GAS6: variants seen among roughly 807,000 people sequenced by gnomAD.
GAS6 encodes the protein growth arrest-specific protein 6.
Under a neutral mutation model 75.8 loss-of-function variants are expected in GAS6, and 41 were observed. The observed-to-expected ratio is 0.54, with a 90% CI of 0.42 to 0.70. The LOEUF is 0.70. Among genes scored for constraint, GAS6 ranks in the 30% least tolerant of loss-of-function variants. GAS6 has a pLI of 0.00. For synonymous variants in GAS6, 432 were observed against 412.6 expected, an observed-to-expected ratio of 1.05 and a Z score of -0.57; for missense variants, 854 against 940.2, an observed-to-expected ratio of 0.91 and a Z score of 1.20.
At position 113,832,404 on chromosome 13, in the gene GAS6, G is replaced by C. The variant is rs374445149; in HGVS notation, c.1038C>G (p.Ile346Met). The C allele has an allele frequency of 1.9e-6, 3 of 1,612,252 alleles. No homozygotes were observed. Among genetic ancestry groups the C allele is most frequent in the Admixed American group, 1.7e-5 (1 of 60,004 alleles). Residue 346 changes from isoleucine (I) to methionine (M), a missense_variant, in exon 10 of 15, where the codon ATC becomes ATG. Physicochemically the swap from Ile to Met is conservative, Grantham distance 10. Transcript: ENST00000327773. ...FAGGHQDSTW[I>M]VLALRAGRLE... is the part of the protein sequence containing the mutation. ...GCCGGCCGGCTCTCAGGGCCAGCAC[G>C]ATCCAGGTGCTGTCCTGGTGGCCTC...
At chr13:113,841,274 C>G (rs536209633) in intron 4 of GAS6, 34 of 152,626 alleles carry the variant, frequency 2.2e-4, no homozygotes, top group African/African-American at 8.2e-4. Context: ...GTGGCCGGCA[C>G]AGACACAGCC....
rs202125638 is a variant in GAS6, at chr13:113,832,482, T to G, written c.960A>C (p.Val320=). The change falls in exon 10 of 15, where the codon GTA becomes GTC. Residue 320 remains valine (V), a synonymous_variant. Coordinates refer to ENST00000327773, the MANE Select transcript of GAS6 (RefSeq NM_000820.4). ...RFKRLQPTRL[V]AEFDFRTFDP... is the part of the protein sequence containing the mutation. ...CAAAGGTCCGGAAGTCAAACTCAGC[T>G]ACCAGCCTGGGCACCCACAGGAGAA... The G allele has an allele frequency of 1.3e-5, 21 of 1,598,808 alleles. No individual in the cohort carries two copies. The African/African-American group carries it at 2.7e-4, about 20-fold the overall frequency.
chr13:113,851,382 G>A (rs889328869), intron 2 of GAS6, among the ~76,000 whole-genome samples: 3 of 151,076 alleles, frequency 2.0e-5, no homozygotes, highest in East Asian at 2.0e-4. Flanking sequence ...TGAGTGAGTG[G>A]GTAGATGAGT....
chr13:113,843,061 G>T (rs892914341), intron 4 of GAS6: 2 of 388,342 alleles, frequency 5.2e-6, no homozygotes, highest in African/African-American at 4.3e-5. Flanking sequence ...ACAGTCAGCC[G>T]GTGCCCAGCA....
chr13:113,859,762 CTG>C (rs1160928242), intron 2 of GAS6, among the ~76,000 whole-genome samples: 1 of 152,098 alleles, frequency 6.6e-6, no homozygotes, highest in Non-Finnish European at 1.5e-5. Context: ...GTGCATGTGT[CTG>C]TGTGTGGGAG....
intron 3 of GAS6, chr13:113,847,001 T>C (rs2138655498): frequency 7.9e-6 from 4 of 506,450 alleles, no homozygotes; most frequent in East Asian, 5.6e-5. Context: ...AGCCCCTCCA[T>C]GCTCTCTGGC....
intron 10 of GAS6, 35 bp from the exon 11 acceptor site, chr13:113,828,746 G>A (rs370186377): frequency 1.9e-6 from 3 of 1,603,502 alleles, no homozygotes; most frequent in Admixed American, 1.7e-5. Context: ...AAAGATGGGA[G>A]TGCACGTTCT....
chr13:113,828,017 T>C (rs1336581873), intron 11 of GAS6, among the ~76,000 whole-genome samples: 1 of 152,214 alleles, frequency 6.6e-6, no homozygotes, highest in Non-Finnish European at 1.5e-5. Flanking sequence ...GGCTCACGCC[T>C]GTAATCCCAG....
At chr13:113,834,207 C>CCCGGTGTGACAGGTCGGTGTGACAGGCA (rs1220721667) in intron 8 of GAS6, among the ~76,000 whole-genome samples, 10 of 144,822 alleles carry the variant, frequency 6.9e-5, no homozygotes, top group African/African-American at 1.5e-4. Flanking sequence ...TGTGACAGGC[C>CCCGGTGTGACAGGTCGGTGTGACAGGCA]CCGGTGTGAC....
rs375245164 is a variant in GAS6, at chr13:113,821,064, C to A, written c.1883-46G>T. On this transcript the variant is annotated intron_variant, in intron 14 of 14. Transcript: ENST00000327773. The stretch of plus-strand genomic sequence containing the variant: ...AACATATCTTAGCTCACCACGTGGC[C>A]GGCCCCGCCTGGCCCCCCCACCCCC... 178 of 1,590,678 alleles carry A rather than the reference C, an allele frequency of 1.1e-4. 1 individual carries two copies. Among genetic ancestry groups the A allele is most frequent in the Non-Finnish European group, 1.4e-4 (167 of 1,163,582 alleles).
At chr13:113,833,625 G>GTCATGC in intron 8 of GAS6, 2 of 1,017,140 alleles carry the variant, frequency 2.0e-6, no homozygotes, top group South Asian at 3.4e-5. Context: ...TGACAGGTCG[G>GTCATGC]TGTGACAGGC....
intron 5 of GAS6, 175 bp downstream of exon 5, chr13:113,839,553 C>G: frequency 1.3e-6 from 1 of 742,020 alleles, no homozygotes; most frequent in Non-Finnish European, 2.1e-6. Flanking sequence ...AGAAAGGAGA[C>G]TGCAGCTCCT....
chr13:113,822,045 CCT>C lies in GAS6; in HGVS notation c.1793_1794del (p.Glu598GlyfsTer111). 6.3e-7 allele frequency: 1 copy of C among 1,580,274 alleles called. No individual in the cohort carries two copies. Among genetic ancestry groups the C allele is most frequent in the Non-Finnish European group, 8.6e-7 (1 of 1,165,040 alleles). On this transcript the variant is annotated frameshift_variant, in exon 14 of 15. Transcript: ENST00000327773. ...LEVDGTRGQS[E>X]VSAAQLQERL... ...CTCTCCTGCAGCTGCGCGGCGCTCA[CCT>C]CGCTCTGGCCCCTGGTGCCGTCCAC...
chr13:113,857,900 C>G (rs924946200), intron 2 of GAS6, among the ~76,000 whole-genome samples: 1 of 152,252 alleles, frequency 6.6e-6, no homozygotes, highest in African/African-American at 2.4e-5. Flanking sequence ...CGGGTGAAAA[C>G]AAGCATCTGC....
At chr13:113,828,502 T>A in intron 11 of GAS6, 45 bp downstream of exon 11, 1 of 1,578,644 alleles carries the variant, frequency 6.3e-7, no homozygotes. Flanking sequence ...GTTCCCGGGA[T>A]CCCAGCACAC....
chr13:113,861,837 G>A (rs900479113), intron 2 of GAS6, among the ~76,000 whole-genome samples: 2 of 152,226 alleles, frequency 1.3e-5, no homozygotes, highest in African/African-American at 4.8e-5. Flanking sequence ...CATTTGGCAT[G>A]GGGGCTGGGA....
At chr13:113,828,826 G>A in intron 10 of GAS6, 115 bp from the exon 11 acceptor site, 1 of 1,184,154 alleles carries the variant, frequency 8.4e-7, no homozygotes, top group South Asian at 1.5e-5. Flanking sequence ...ACCTCGGGGA[G>A]GCCACCTGAT....
Position 113,842,916 on chromosome 13 carries a change from G to C in GAS6, c.344-3066C>G. 7.6e-6 allele frequency: 3 copies of C among 396,940 alleles called. No individual in the cohort carries two copies. The Admixed American group carries it at 1.3e-4, about 17-fold the overall frequency. The allele number at this position is 396,940 out of a possible 1,614,324, so 24.6% of individuals were successfully genotyped here. A position where few individuals can be genotyped will look rare whatever the true frequency, so the allele number is the denominator to read the frequency against. On this transcript the variant is annotated intron_variant, in intron 4 of 14. Coordinates refer to ENST00000327773, the MANE Select transcript of GAS6 (RefSeq NM_000820.4). ...TGAGGGACAGTGCCTGCTCCTGCCA[G>C]GTGCCCAGCTCTTAAGCGGTCCCCA...
At chr13:113,847,364 C>T (rs1188719072) in intron 3 of GAS6, among the ~76,000 whole-genome samples, 1 of 152,228 alleles carries the variant, frequency 6.6e-6, no homozygotes, top group Non-Finnish European at 1.5e-5. Flanking sequence ...ATGCACTTTG[C>T]AACATTAAAA....
Sources: allele counts gnomAD v4.1 joint callset (sites outside exome capture counted in the v4.1 genomes callset), GRCh38; gene constraint gnomAD v4.1.1; transcripts MANE v1.5; gene names NCBI Gene and HGNC (gene_info 2026-07-23, HGNC 2026-07-21).